SLC26A7: variants seen among roughly 807,000 people sequenced by gnomAD.
SLC26A7 encodes anion exchange transporter.
Under a neutral mutation model 82.5 loss-of-function variants are expected in SLC26A7, and 59 were observed. The observed-to-expected ratio is 0.72, with a 90% CI of 0.58 to 0.89. SLC26A7 has a LOEUF of 0.89. Among genes scored for constraint, SLC26A7 ranks in the 40% least tolerant of loss-of-function variants. The probability of loss-of-function intolerance (pLI) is 0.00; values close to 1 mark genes in which losing one functional copy is unlikely to be tolerated. For synonymous variants in SLC26A7, 271 were observed against 274.3 expected (o/e 0.99, Z 0.12); for missense variants, 820 against 793.0 (o/e 1.03, Z -0.41).
chr8:91,312,572 G>A (rs568293505), intron 4 of SLC26A7, among the ~76,000 whole-genome samples: 7 of 152,020 alleles, frequency 4.6e-5, no homozygotes, highest in Non-Finnish European at 1.0e-4. Context: ...CCCAGCAACA[G>A]AGCACAAGTG....
intron 6 of SLC26A7, among the ~76,000 whole-genome samples, chr8:91,337,440 C>T (rs997120707): frequency 6.6e-6 from 1 of 151,892 alleles, no homozygotes; most frequent in African/African-American, 2.4e-5. Context: ...AAATGAAAAT[C>T]GATGGAAAAC....
chr8:91,231,573 TTTTTC>T (rs556033191), intron 2 of SLC26A7, among the ~76,000 whole-genome samples: 159 of 152,280 alleles, frequency 1.0e-3, no homozygotes, highest in East Asian at 3.1e-3. Flanking sequence ...TTCTTTTTTC[TTTTTC>T]TTTTCTTTTC....
At chr8:91,306,248 C>G (rs1343776552) in intron 4 of SLC26A7, among the ~76,000 whole-genome samples, 2 of 152,112 alleles carry the variant, frequency 1.3e-5, no homozygotes, top group African/African-American at 4.8e-5. Flanking sequence ...GCAATACTCC[C>G]TTTTCCCTCT....
At chr8:91,289,672 T>C (rs1465239377) in intron 3 of SLC26A7, among the ~76,000 whole-genome samples, 1 of 151,588 alleles carries the variant, frequency 6.6e-6, no homozygotes, top group Admixed American at 6.6e-5. Context: ...AAGGGAAATG[T>C]TCTGAATTTA....
In SLC26A7 at chr8:91,264,769, A is replaced by G. The variant is rs905280004; in HGVS notation, c.193+14925A>G. On this transcript the variant is annotated intron_variant, in intron 2 of 18. Coordinates refer to ENST00000276609, the MANE Select transcript of SLC26A7 (RefSeq NM_052832.4). The stretch of plus-strand genomic sequence containing the variant: ...AAAAATTTTTTTTTGTTTATAATTG[A>G]CACATAATTGTACATGTTTATGCAG... 7.9e-5 allele frequency among the ~76,000 whole-genome samples: 12 copies of G among 151,978 alleles called. No homozygotes were observed. In the East Asian group the frequency reaches 1.9e-3, roughly 24 times the overall value.
intron 5 of SLC26A7, among the ~76,000 whole-genome samples, chr8:91,319,394 G>A (rs2130809992): frequency 6.6e-6 from 1 of 152,250 alleles, no homozygotes; most frequent in Middle Eastern, 3.4e-3. Flanking sequence ...GTGACCATTT[G>A]ATATGTGAAA....
At chr8:91,361,169 G>C (rs1814039576) in intron 11 of SLC26A7, among the ~76,000 whole-genome samples, 1 of 152,036 alleles carries the variant, frequency 6.6e-6, no homozygotes, top group Non-Finnish European at 1.5e-5. Flanking sequence ...TGCTTCCAAG[G>C]GCTCAGCTTT....
chr8:91,290,079 A>T lies in SLC26A7; in HGVS notation c.304+833A>T, dbSNP rs535355691. Reference sequence around the variant, plus strand: ...AATTTAATACTTGCTACATAATAAGATTTAATAAAGTTAGCTATTATTATT... The same window carrying T: ...AATTTAATACTTGCTACATAATAAGTTTTAATAAAGTTAGCTATTATTATT... On this transcript the variant is annotated intron_variant, in intron 3 of 18. Transcript: ENST00000276609. Among the ~76,000 whole-genome samples the T allele has an allele frequency of 1.6e-4, 25 of 152,328 alleles. No homozygotes were observed. In the South Asian group the frequency reaches 4.8e-3, roughly 29 times the overall value.
chr8:91,256,605 A>T (rs1810810455), intron 2 of SLC26A7, among the ~76,000 whole-genome samples: 2 of 152,136 alleles, frequency 1.3e-5, no homozygotes, highest in Non-Finnish European at 2.9e-5. Flanking sequence ...CAATGAAGCC[A>T]ATCCAGCAAA....
At chr8:91,352,118 T>C (rs1229813767) in intron 10 of SLC26A7, among the ~76,000 whole-genome samples, 1 of 151,992 alleles carries the variant, frequency 6.6e-6, no homozygotes, top group Admixed American at 6.6e-5. Flanking sequence ...AAGAATGGTA[T>C]TGTGGAACTA....
At chr8:91,252,773 G>T (rs1236165487) in intron 2 of SLC26A7, among the ~76,000 whole-genome samples, 1 of 152,144 alleles carries the variant, frequency 6.6e-6, no homozygotes, top group Non-Finnish European at 1.5e-5. Flanking sequence ...TTGAGGTTAG[G>T]TGTTGCCCTG....
At chr8:91,288,671 T>C (rs1213357906) in intron 2 of SLC26A7, among the ~76,000 whole-genome samples, 1 of 152,210 alleles carries the variant, frequency 6.6e-6, no homozygotes, top group African/African-American at 2.4e-5. Flanking sequence ...CCAGCCAATG[T>C]TGAGTATGCG....
chr8:91,314,709 C>T (rs2130803325), intron 4 of SLC26A7, among the ~76,000 whole-genome samples: 1 of 152,236 alleles, frequency 6.6e-6, no homozygotes, highest in Non-Finnish European at 1.5e-5. Context: ...CTTTCAGAGT[C>T]AAGAACTCTC....
intron 16 of SLC26A7, among the ~76,000 whole-genome samples, 168 bp from the exon 17 acceptor site, chr8:91,393,629 T>C (rs1425018582): frequency 9.2e-5 from 14 of 152,164 alleles, no homozygotes. Context: ...TCTTAGTCTT[T>C]TAGACGCTTG....
intron 9 of SLC26A7, among the ~76,000 whole-genome samples, chr8:91,344,392 A>G (rs1444241992): frequency 1.3e-5 from 2 of 152,218 alleles, no homozygotes; most frequent in Non-Finnish European, 2.9e-5. Flanking sequence ...ATTAACAGCA[A>G]ACCATTATTC....
At chr8:91,236,696 G>A (rs1810397896) in intron 2 of SLC26A7, among the ~76,000 whole-genome samples, 1 of 151,976 alleles carries the variant, frequency 6.6e-6, no homozygotes, top group Admixed American at 6.6e-5. Flanking sequence ...AAGTTATACA[G>A]GAAGCACTAT....
intron 7 of SLC26A7, 29 bp downstream of exon 7, chr8:91,338,261 ATTTG>A (rs745326776): frequency 3.3e-6 from 5 of 1,525,582 alleles, no homozygotes; most frequent in Admixed American, 1.9e-5. Context: ...AAAACATATT[ATTTG>A]TTTGTTTGTT....
intron 2 of SLC26A7, among the ~76,000 whole-genome samples, chr8:91,238,893 A>C (rs1237055531): frequency 6.6e-6 from 1 of 152,178 alleles, no homozygotes; most frequent in African/African-American, 2.4e-5. Flanking sequence ...ATTTTATTTT[A>C]AATACCAGTT....
intron 1 of SLC26A7, among the ~76,000 whole-genome samples, chr8:91,213,543 A>T (rs1335350463): frequency 2.0e-5 from 3 of 152,190 alleles, no homozygotes; most frequent in Non-Finnish European, 4.4e-5. Context: ...GTACAATGCG[A>T]ATAAGTAGGA....
Sources: allele counts gnomAD v4.1 joint callset (sites outside exome capture counted in the v4.1 genomes callset), GRCh38; gene constraint gnomAD v4.1.1; transcripts MANE v1.5; gene names NCBI Gene and HGNC (gene_info 2026-07-23, HGNC 2026-07-21).